The following LCOR variants were observed in gnomAD, a reference collection of about 807,000 sequenced individuals.
LCOR encodes the protein ligand-dependent corepressor.
In LCOR, 14 loss-of-function variants were observed where a neutral mutation model predicts 64.4. That is an observed-to-expected ratio of 0.22 (90% confidence interval 0.14 to 0.34). The LOEUF (loss-of-function observed/expected upper bound fraction) is 0.34, where lower values mean the gene tolerates loss of function less well. LCOR is among the 10% of genes least tolerant of loss of function. LCOR has a pLI of 1.00. For synonymous variants in LCOR, 643 were observed against 642.5 expected (o/e 1.00, Z -0.01); for missense variants, 1,686 against 1,765.3 (o/e 0.96, Z 0.80).
intron 2 of LCOR, among the ~76,000 whole-genome samples, chr10:96,877,837 T>A (rs561215948): frequency 6.6e-6 from 1 of 152,188 alleles, no homozygotes. Flanking sequence ...GGTCTCGATC[T>A]CCTGACCTCG....
intron 2 of LCOR, among the ~76,000 whole-genome samples, chr10:96,865,719 C>A (rs751794410): frequency 1.3e-5 from 2 of 151,818 alleles, no homozygotes; most frequent in African/African-American, 4.8e-5. Flanking sequence ...ATTAAAAATA[C>A]AAAAATTAGT....
rs1199134740 is a variant in LCOR at position 96,991,159 on chromosome 10, A to AC, written c.*6026dup. 1 of 151,892 alleles carries AC rather than the reference A, an allele frequency of 6.6e-6. No individual in the cohort carries two copies. Among genetic ancestry groups the AC allele is most frequent in the Non-Finnish European group, 1.5e-5 (1 of 67,988 alleles). 9.4% of individuals were successfully genotyped at this position (151,892 alleles called of 1,614,324 possible). A position where few individuals can be genotyped will look rare whatever the true frequency, so the allele number is the denominator to read the frequency against. ...AGATCAAATTGTGTAGACAGGCACA[A>AC]CTTTTTTTTTTCATATGCTCCAACA... On this transcript the variant is annotated 3_prime_UTR_variant, in exon 8 of 8. Coordinates refer to ENST00000421806, the MANE Select transcript of LCOR (RefSeq NM_001346516.2).
chr10:96,980,174 A>C (rs987914440), intron 7 of LCOR, among the ~76,000 whole-genome samples: 46 of 149,018 alleles, frequency 3.1e-4, no homozygotes, highest in Non-Finnish European at 3.1e-4. Flanking sequence ...AAAAAAAAAA[A>C]CTGTAAGTTC....
At chr10:96,971,506 GT>G (rs1393569297) in intron 7 of LCOR, among the ~76,000 whole-genome samples, 1 of 152,148 alleles carries the variant, frequency 6.6e-6, no homozygotes, top group Non-Finnish European at 1.5e-5. Context: ...TAGGTCAATA[GT>G]TACAAAGCAG....
chr10:96,957,536 TTC>T lies in LCOR; in HGVS notation c.332+5342_332+5343del, dbSNP rs1847804989. On this transcript the variant is annotated intron_variant, in intron 7 of 7. Coordinates refer to ENST00000421806, the MANE Select transcript of LCOR (RefSeq NM_001346516.2). ...TCTGCTGAGAAAGGTGGTCAGGCCC[TTC>T]TAAATGCTTAACCAAAAACAAACAT... is the stretch of plus-strand genomic sequence containing the variant. 7.1e-6 allele frequency: 7 copies of T among 985,394 alleles called. No individual in the cohort carries two copies. In the South Asian group the frequency reaches 1.9e-4, roughly 26 times the overall value. 61.0% of individuals were successfully genotyped at this position (985,394 alleles called of 1,614,324 possible). A position where few individuals can be genotyped will look rare whatever the true frequency, so the allele number is the denominator to read the frequency against.
chr10:96,845,471 T>C (rs1388035072), intron 2 of LCOR, among the ~76,000 whole-genome samples: 2 of 111,980 alleles, frequency 1.8e-5, no homozygotes, highest in African/African-American at 6.8e-5. Flanking sequence ...TTTTTTTTTT[T>C]TTTTTTTTTT....
chr10:96,881,518 G>A (rs767073385), intron 2 of LCOR, among the ~76,000 whole-genome samples: 13 of 151,518 alleles, frequency 8.6e-5, no homozygotes, highest in East Asian at 1.9e-4. Flanking sequence ...GTGCAGTGGC[G>A]CAGTCTCAGC....
intron 2 of LCOR, among the ~76,000 whole-genome samples, chr10:96,848,091 A>G (rs1845663247): frequency 6.6e-6 from 1 of 152,218 alleles, no homozygotes; most frequent in African/African-American, 2.4e-5. Context: ...TAATTACTAT[A>G]CCTAAGTCAG....
rs1848115079 is a variant in LCOR, at chr10:96,983,540, C to A, written c.3080C>A (p.Pro1027Gln). ...SSGSGDAARA[P>Q]KSVPRPKRLT... is the part of the protein sequence containing the mutation. The stretch of plus-strand genomic sequence containing the variant: ...GGAAGTGGTGATGCTGCTAGGGCAC[C>A]AAAATCGGTGCCAAGGCCTAAAAGA... The change falls in exon 8 of 8, where the codon CCA (proline) becomes CAA (glutamine). Residue 1027 changes from proline to glutamine, a missense_variant. Physicochemically the swap from Pro to Gln is moderately conservative, Grantham distance 76. Transcript: ENST00000421806. The surrounding 1 kb of genome is among the most constrained non-coding windows in gnomAD (Gnocchi z 4.5). 1.9e-6 allele frequency: 3 copies of A among 1,613,954 alleles called. No individual in the cohort carries two copies. The highest frequency in any genetic ancestry group is 2.5e-6 in the Non-Finnish European group (3 of 1,180,020).
At chr10:96,945,190 TG>T (rs1847566843) in intron 5 of LCOR, among the ~76,000 whole-genome samples, 1 of 152,190 alleles carries the variant, frequency 6.6e-6, no homozygotes, top group South Asian at 2.1e-4. Flanking sequence ...ATTCTTCATA[TG>T]TTCTAGTTTA....
intron 2 of LCOR, among the ~76,000 whole-genome samples, chr10:96,882,665 G>A (rs995119541): frequency 4.6e-5 from 7 of 152,074 alleles, no homozygotes; most frequent in Non-Finnish European, 7.3e-5. Flanking sequence ...GTTTTGACAC[G>A]TGTTGACCAT....
intron 2 of LCOR, among the ~76,000 whole-genome samples, chr10:96,854,480 CCA>C (rs1845771098): frequency 6.6e-6 from 1 of 152,136 alleles, no homozygotes; most frequent in African/African-American, 2.4e-5. Flanking sequence ...GCACCCGCCA[CCA>C]CACCCAGCTA....
Position 96,983,189 on chromosome 10 carries a change from A to G in LCOR, c.2729A>G (p.Gln910Arg), listed in dbSNP as rs754817265. 3 of 1,614,184 alleles carry G rather than the reference A, an allele frequency of 1.9e-6. No individual in the cohort carries two copies. In the South Asian group the frequency reaches 3.3e-5, roughly 18 times the overall value. ...GAAGGCGGGGGGATCATCACCAGGC[A>G]GACTTTGAAAAACATGCTGGACAAA... The part of the protein sequence containing the change: ...EGEGGGIITR[Q>R]TLKNMLDKEV... The change falls in exon 8 of 8, where the codon CAG becomes CGG. Residue 910 changes from glutamine to arginine, a missense_variant. By Grantham distance (43) the Gln-to-Arg change is conservative (BLOSUM62 1). This residue lies in a region of LCOR where 1,293 missense variants were observed against 1,410.4 expected (regional missense o/e 0.92). Transcript: ENST00000421806. This position sits in a 1 kb window ranked among gnomAD's most constrained non-coding sequence, Gnocchi z 4.5.
chr10:96,895,313 AG>A (rs1846517966), intron 2 of LCOR, among the ~76,000 whole-genome samples: 1 of 152,174 alleles, frequency 6.6e-6, no homozygotes, highest in African/African-American at 2.4e-5. Flanking sequence ...ACAGACCAAA[AG>A]TGTAAGTGTC....
chr10:96,981,624 A>G lies in LCOR; in HGVS notation c.1164A>G (p.Ala388=). 2 of 1,614,224 alleles carry G rather than the reference A, an allele frequency of 1.2e-6. No individual in the cohort carries two copies. The highest frequency in any genetic ancestry group is 1.7e-6 in the Non-Finnish European group (2 of 1,180,046). ...RQDLEANEQD[A]RPKQENHLHS... ...ATTTAGAGGCAAATGAACAAGATGCAAGGCCAAAGCAAGAGAACCATCTTC... is the reference window on the plus strand; with the variant it reads ...ATTTAGAGGCAAATGAACAAGATGCGAGGCCAAAGCAAGAGAACCATCTTC... Residue 388 remains alanine, a synonymous_variant, in exon 8 of 8, where the codon GCA becomes GCG. Transcript: ENST00000421806.
chr10:96,834,324 C>T (rs1051786005), intron 2 of LCOR, among the ~76,000 whole-genome samples: 3 of 152,154 alleles, frequency 2.0e-5, no homozygotes, highest in African/African-American at 7.2e-5. Flanking sequence ...TATAATTCGT[C>T]TCATGAATAT....
chr10:96,947,049 G>A (rs943850530), intron 5 of LCOR, among the ~76,000 whole-genome samples: 3 of 151,976 alleles, frequency 2.0e-5, no homozygotes, highest in African/African-American at 4.8e-5. Flanking sequence ...TAACTGGAAC[G>A]TTAAATGACT....
At chr10:96,907,572 C>T in intron 3 of LCOR, 96 bp from the exon 4 acceptor site, 6 of 422,932 alleles carry the variant, frequency 1.4e-5, no homozygotes, top group Non-Finnish European at 1.9e-5. Flanking sequence ...GGCCTAACTA[C>T]TTAGTTTTTT....
At chr10:96,848,470 C>T (rs1283761834) in intron 2 of LCOR, among the ~76,000 whole-genome samples, 2 of 152,142 alleles carry the variant, frequency 1.3e-5, no homozygotes, top group Non-Finnish European at 2.9e-5. Flanking sequence ...CCAGCCTGAC[C>T]AACATGGTGA....
Sources: allele counts gnomAD v4.1 joint callset (sites outside exome capture counted in the v4.1 genomes callset), GRCh38; gene constraint gnomAD v4.1.1; regional missense constraint gnomAD v4.1.1; non-coding constraint Gnocchi (gnomAD v3.1); transcripts MANE v1.5; gene names NCBI Gene and HGNC (gene_info 2026-07-23, HGNC 2026-07-21).